Variants in SSBP3 observed in about 807,000 individuals in gnomAD.
SSBP3 encodes single stranded DNA binding protein 3.
In SSBP3, 5 loss-of-function variants were observed where a neutral mutation model predicts 69.6. The observed-to-expected ratio is 0.07, with a 90% CI of 0.04 to 0.15. SSBP3 has a LOEUF of 0.15. Among genes scored for constraint, SSBP3 ranks in the 10% least tolerant of loss-of-function variants. The pLI is 1.00. For missense variants in SSBP3, 312 were observed against 534.0 expected (o/e 0.58, Z 4.10); for synonymous variants, 196 against 193.4 (o/e 1.01, Z -0.11).
intron 4 of SSBP3, among the ~76,000 whole-genome samples, chr1:54,396,173 CAG>C (rs1648850658): frequency 9.1e-6 from 1 of 109,302 alleles, no homozygotes; most frequent in South Asian, 3.2e-4. Flanking sequence ...GCCTGGGTGA[CAG>C]AGTGAGACTC....
At position 54,251,597 on chromosome 1, in the gene SSBP3, ACAGACAGG is replaced by A; in HGVS notation, c.651+11_651+18del. ...CACAGATGGCCAGGGAGACGGACGG[ACAGACAGG>A]CGGTGGTTACCTGTGGGCCGGGACC... On this transcript the variant is annotated intron_variant, in intron 9 of 17. Transcript: ENST00000610401. 6.4e-7 allele frequency: 1 copy of A among 1,551,004 alleles called. No individual in the cohort carries two copies. Among genetic ancestry groups the A allele is most frequent in the Non-Finnish European group, 8.7e-7 (1 of 1,146,596 alleles).
chr1:54,271,819 G>C (rs935144138), intron 5 of SSBP3, among the ~76,000 whole-genome samples: 2 of 152,046 alleles, frequency 1.3e-5, no homozygotes, highest in African/African-American at 2.4e-5. Context: ...CTCTAGGCTG[G>C]CATGCAATGG....
exon 8 of SSBP3, chr1:54,251,848 C>G: frequency 6.2e-7 from 1 of 1,611,760 alleles, no homozygotes; most frequent in Admixed American, 1.7e-5. Flanking sequence ...GTCCCAGGAA[C>G]TCCTCCCGGA....
At chr1:54,339,601 T>G in intron 4 of SSBP3, among the ~76,000 whole-genome samples, 1 of 150,350 alleles carries the variant, frequency 6.7e-6, no homozygotes, top group Non-Finnish European at 1.5e-5. Context: ...GAGAGGGGAA[T>G]CTCTAGTGCC....
At chr1:54,243,273 T>C in exon 10 of SSBP3, 2 of 1,609,772 alleles carry the variant, frequency 1.2e-6, no homozygotes, top group South Asian at 1.1e-5. Context: ...GGGAGTTGGG[T>C]GGTGGTCTCA....
intron 4 of SSBP3, among the ~76,000 whole-genome samples, chr1:54,292,372 C>T (rs928324443): frequency 6.6e-6 from 1 of 152,212 alleles, no homozygotes; most frequent in Non-Finnish European, 1.5e-5. Flanking sequence ...AAGGCAACCC[C>T]TTCCCTTCTC....
chr1:54,228,437 G>C lies in SSBP3; in HGVS notation c.1035+12C>G. On this transcript the variant is annotated intron_variant, in intron 16 of 17. Transcript: ENST00000610401. Reference sequence around the variant, plus strand: ...GATGGGGCGCCGCCAGGGAGACCGAGTGCACACTCACTTTTGGAAGTCCGT... The same window carrying C: ...GATGGGGCGCCGCCAGGGAGACCGACTGCACACTCACTTTTGGAAGTCCGT... 2 of 1,614,222 alleles carry C rather than the reference G, an allele frequency of 1.2e-6. No individual in the cohort carries two copies. The highest frequency in any genetic ancestry group is 1.7e-6 in the Non-Finnish European group (2 of 1,180,038).
At chr1:54,289,045 C>CAAAAAAAAA (rs796091545) in intron 4 of SSBP3, among the ~76,000 whole-genome samples, 2 of 41,106 alleles carry the variant, frequency 4.9e-5, no homozygotes, top group Non-Finnish European at 9.7e-5. Context: ...AACAAAAAAA[C>CAAAAAAAAA]AAAAAAAAAA....
chr1:54,388,385 C>G (rs1486272423), intron 4 of SSBP3, among the ~76,000 whole-genome samples: 1 of 152,176 alleles, frequency 6.6e-6, no homozygotes, highest in Non-Finnish European at 1.5e-5. Flanking sequence ...TCATAACAGC[C>G]CCTATCTTAT....
At chr1:54,233,544 G>A (rs1451201747) in intron 14 of SSBP3, among the ~76,000 whole-genome samples, 1 of 142,808 alleles carries the variant, frequency 7.0e-6, no homozygotes, top group East Asian at 2.1e-4. Flanking sequence ...GGTGGGGGGG[G>A]TAAGCCCCCC....
intron 4 of SSBP3, among the ~76,000 whole-genome samples, chr1:54,368,979 G>A (rs1246316654): frequency 1.3e-5 from 2 of 152,094 alleles, no homozygotes; most frequent in Admixed American, 6.5e-5. Flanking sequence ...TGTAAAGGTG[G>A]GAAACCCAGT....
chr1:54,385,617 A>G (rs2100744214), intron 4 of SSBP3, among the ~76,000 whole-genome samples: 1 of 151,470 alleles, frequency 6.6e-6, no homozygotes, highest in East Asian at 1.9e-4. Flanking sequence ...TTTTCATTCC[A>G]CTCCTCTTAC....
chr1:54,293,886 C>T (rs946983581), intron 4 of SSBP3, among the ~76,000 whole-genome samples: 2 of 152,102 alleles, frequency 1.3e-5, no homozygotes, highest in Admixed American at 1.3e-4. Flanking sequence ...CCTGTAATCC[C>T]AGCACTCTGG....
intron 4 of SSBP3, among the ~76,000 whole-genome samples, chr1:54,359,580 C>G (rs1646920408): frequency 6.6e-6 from 1 of 152,168 alleles, no homozygotes; most frequent in African/African-American, 2.4e-5. Context: ...ATAAGGTTTC[C>G]CTGGCATCCT....
intron 4 of SSBP3, among the ~76,000 whole-genome samples, chr1:54,360,855 G>C (rs911835513): frequency 1.2e-4 from 18 of 151,532 alleles, no homozygotes; most frequent in Non-Finnish European, 1.8e-4. Context: ...TGAGGCAGGA[G>C]GACCACTTGA....
At chr1:54,249,005 C>G (rs753753210) in intron 9 of SSBP3, among the ~76,000 whole-genome samples, 1 of 152,150 alleles carries the variant, frequency 6.6e-6, no homozygotes. Context: ...AGCTCTACCC[C>G]TTGTACACTG....
At chr1:54,225,591 A>G (rs1557430734) in exon 18 of SSBP3, 3 of 486,482 alleles carry the variant, frequency 6.2e-6, no homozygotes, top group Non-Finnish European at 9.6e-6. Context: ...TAATCCGCAC[A>G]AAGTCTTTTT....
chr1:54,298,304 C>T (rs1468991452), intron 4 of SSBP3, among the ~76,000 whole-genome samples: 4 of 152,086 alleles, frequency 2.6e-5, no homozygotes, highest in African/African-American at 9.7e-5. Flanking sequence ...CGTACGGTCA[C>T]ACGGAAGGCA....
rs1338072872 is a variant in SSBP3, at chr1:54,240,049, T to G, written c.857-850A>C. ...GGAAAGAAACATAATTGTGATGGGGTGTGTGTGTGTGTGTGTGTGTGTGTG... is the reference window on the plus strand; with the variant it reads ...GGAAAGAAACATAATTGTGATGGGGGGTGTGTGTGTGTGTGTGTGTGTGTG... On this transcript the variant is annotated intron_variant, in intron 13 of 17. Transcript: ENST00000610401. Among the ~76,000 whole-genome samples, 27 of 39,002 alleles carry G rather than the reference T, an allele frequency of 6.9e-4. 1 individual carries two copies. Among genetic ancestry groups the G allele is most frequent in the East Asian group, 1.9e-3 (6 of 3,086 alleles). The allele number at this position is 39,002 out of a possible 152,430, so 25.6% of individuals were successfully genotyped here.
Sources: gnomAD v4.1 joint callset for allele counts (sites outside exome capture counted in the v4.1 genomes callset) on GRCh38, gnomAD v4.1.1 for gene constraint, MANE v1.5 for transcripts, NCBI Gene and HGNC (gene_info 2026-07-23, HGNC 2026-07-21) for gene names.